The following ITCH variants were observed in gnomAD, a reference collection of about 807,000 sequenced individuals.
ITCH encodes itchy E3 ubiquitin protein ligase, also known as E3 ubiquitin-protein ligase Itchy homolog.
ITCH carries 28 observed loss-of-function variants against 126.8 expected under a neutral mutation model. The observed-to-expected ratio is 0.22, with a 90% confidence interval of 0.16 to 0.30. The LOEUF is 0.30. Among genes scored for constraint, ITCH ranks in the 10% least tolerant of loss-of-function variants. ITCH has a pLI of 1.00. For missense variants in ITCH, 631 were observed against 1,032.4 expected, an observed-to-expected ratio of 0.61 and a Z score of 5.33; for synonymous variants, 342 against 340.0, an observed-to-expected ratio of 1.01 and a Z score of -0.06.
intron 23 of ITCH, among the ~76,000 whole-genome samples, chr20:34,493,113 T>C (rs1322065003): frequency 6.6e-6 from 1 of 152,218 alleles, no homozygotes; most frequent in Non-Finnish European, 1.5e-5. Flanking sequence ...ATGGCAATAT[T>C]CACTTTGTTA....
chr20:34,389,093 G>T (rs1162454904), intron 2 of ITCH, among the ~76,000 whole-genome samples: 1 of 152,182 alleles, frequency 6.6e-6, no homozygotes, highest in Admixed American at 6.5e-5. Flanking sequence ...CTGCGTATGT[G>T]AAAAGTCCTT....
At chr20:34,467,366 A>G (rs901594926) in intron 14 of ITCH, among the ~76,000 whole-genome samples, 2 of 152,128 alleles carry the variant, frequency 1.3e-5, no homozygotes, top group Non-Finnish European at 2.9e-5. Flanking sequence ...CATGTCTACA[A>G]AAAATACAAA....
intron 7 of ITCH, among the ~76,000 whole-genome samples, chr20:34,431,084 G>A (rs928220158): frequency 2.0e-5 from 3 of 152,084 alleles, no homozygotes; most frequent in Non-Finnish European, 4.4e-5. Context: ...AACCTAAGAA[G>A]GAAGGAAGAC....
At chr20:34,479,503 A>T (rs1988535939) in intron 17 of ITCH, 127 bp from the exon 18 acceptor site, 4 of 743,456 alleles carry the variant, frequency 5.4e-6, no homozygotes, top group Admixed American at 4.9e-5. Flanking sequence ...AAGCAATAAA[A>T]ATCAACATGA....
At chr20:34,501,050 A>G (rs1990217150) in intron 23 of ITCH, among the ~76,000 whole-genome samples, 2 of 152,110 alleles carry the variant, frequency 1.3e-5, no homozygotes, top group Non-Finnish European at 2.9e-5. Flanking sequence ...TTCTTGCAGT[A>G]CTTTGAATAT....
Position 34,382,599 on chromosome 20 carries a change from G to A in ITCH, c.-21-11192G>A, listed in dbSNP as rs558226122. 1.2e-3 allele frequency among the ~76,000 whole-genome samples: 188 copies of A among 151,908 alleles called. 1 individual carries two copies. The highest frequency in any genetic ancestry group is 4.4e-3 in the African/African-American group (181 of 41,458). On this transcript the variant is annotated intron_variant, in intron 2 of 24. Transcript: ENST00000374864. ...TTTTTTGTATTTTTAGTAGAGATGG[G>A]GTTTCACCATGTTGGCCAGGCTGGT...
At chr20:34,434,092 A>G (rs1047371617) in intron 7 of ITCH, among the ~76,000 whole-genome samples, 3 of 152,198 alleles carry the variant, frequency 2.0e-5, no homozygotes, top group Non-Finnish European at 4.4e-5. Flanking sequence ...CATGGGCAAC[A>G]TGGCAGGACC....
At chr20:34,380,892 A>T (rs1024905777) in intron 2 of ITCH, among the ~76,000 whole-genome samples, 1 of 151,810 alleles carries the variant, frequency 6.6e-6, no homozygotes, top group African/African-American at 2.4e-5. Context: ...GGTTCAGGAG[A>T]TTCTCCTGCC....
Position 34,410,623 on chromosome 20 carries a change from AG to A in ITCH, c.212+1833del, listed in dbSNP as rs1283188263. ...CTTGGGAGGATAAGGGGGGAGGATAAGGTGCTTTAGCCCAGGAGGAGTTCGA... is the reference window on the plus strand; with the variant it reads ...CTTGGGAGGATAAGGGGGGAGGATAAGTGCTTTAGCCCAGGAGGAGTTCGA... On this transcript the variant is annotated intron_variant, in intron 4 of 24. Transcript: ENST00000374864. 3.3e-5 allele frequency among the ~76,000 whole-genome samples: 5 copies of A among 152,264 alleles called. No homozygotes were observed. In the East Asian group the frequency reaches 7.7e-4, roughly 24 times the overall value.
At chr20:34,432,452 CAT>C (rs1001495655) in intron 7 of ITCH, among the ~76,000 whole-genome samples, 3 of 151,976 alleles carry the variant, frequency 2.0e-5, no homozygotes, top group Non-Finnish European at 4.4e-5. Flanking sequence ...GTACAAAAAA[CAT>C]ATATATAGTT....
chr20:34,465,709 A>G (rs949645743), intron 14 of ITCH, among the ~76,000 whole-genome samples: 11 of 151,970 alleles, frequency 7.2e-5, no homozygotes, highest in African/African-American at 2.7e-4. Context: ...TTCTTTTTAT[A>G]TTGTTTATTC....
At chr20:34,455,727 C>A (rs1280646025) in intron 12 of ITCH, among the ~76,000 whole-genome samples, 1 of 151,956 alleles carries the variant, frequency 6.6e-6, no homozygotes, top group East Asian at 1.9e-4. Context: ...GTCCGCCCGC[C>A]TCTGCCTCCC....
chr20:34,417,287 G>A (rs891293446), intron 6 of ITCH: 38 of 468,798 alleles, frequency 8.1e-5, no homozygotes, highest in Non-Finnish European at 1.4e-4. Context: ...AGTAGAGACA[G>A]GGTTTCTCCG....
intron 7 of ITCH, among the ~76,000 whole-genome samples, chr20:34,431,950 A>G (rs1479521080): frequency 4.0e-5 from 6 of 151,274 alleles, no homozygotes; most frequent in African/African-American, 1.2e-4. Flanking sequence ...AGGCTGAGGC[A>G]GGAGAATTGC....
intron 23 of ITCH, among the ~76,000 whole-genome samples, chr20:34,499,881 G>A (rs1021805633): frequency 1.3e-5 from 2 of 151,888 alleles, no homozygotes; most frequent in Non-Finnish European, 2.9e-5. Flanking sequence ...TCAATATATT[G>A]TGTTTCCATT....
chr20:34,493,883 A>T (rs1221059287), intron 23 of ITCH, among the ~76,000 whole-genome samples: 1 of 152,206 alleles, frequency 6.6e-6, no homozygotes, highest in Admixed American at 6.5e-5. Context: ...TAGAATACAG[A>T]GAGGAGTAGA....
intron 2 of ITCH, among the ~76,000 whole-genome samples, chr20:34,380,359 C>T (rs1029658551): frequency 3.9e-5 from 6 of 152,132 alleles, no homozygotes; most frequent in South Asian, 2.1e-4. Context: ...GTTCATTTCC[C>T]TGTTATCTTT....
chr20:34,505,032 TTTTGTTTGTTTG>T (rs567126398), intron 24 of ITCH, among the ~76,000 whole-genome samples: 1 of 152,028 alleles, frequency 6.6e-6, no homozygotes, highest in African/African-American at 2.4e-5. Context: ...AGTGGGGTTT[TTTTGTTTGTTTG>T]TTTGTTTGTT....
At chr20:34,493,246 G>T (rs1306964013) in intron 23 of ITCH, among the ~76,000 whole-genome samples, 1 of 152,152 alleles carries the variant, frequency 6.6e-6, no homozygotes, top group Non-Finnish European at 1.5e-5. Flanking sequence ...GAAGCAGAGA[G>T]TCAAAATTAG....
Sources: allele counts gnomAD v4.1 joint callset (sites outside exome capture counted in the v4.1 genomes callset), GRCh38; gene constraint gnomAD v4.1.1; transcripts MANE v1.5; gene names NCBI Gene and HGNC (gene_info 2026-07-23, HGNC 2026-07-21).